RC3H1: variants seen among roughly 807,000 people sequenced by gnomAD.
RC3H1 encodes the protein ring finger and CCCH-type domains 1.
Under a neutral mutation model 138.2 loss-of-function variants are expected in RC3H1, and 50 were observed. That is an observed-to-expected ratio of 0.36 (90% CI 0.29 to 0.46). The LOEUF (loss-of-function observed/expected upper bound fraction) is 0.46, where lower values mean the gene tolerates loss of function less well. Ranked by LOEUF, RC3H1 falls within the 20% of genes least tolerant of loss-of-function variation. The pLI is 1.00. For synonymous variants in RC3H1, 462 were observed against 489.1 expected, an observed-to-expected ratio of 0.94 and a Z score of 0.73; for missense variants, 1,031 against 1,388.1, an observed-to-expected ratio of 0.74 and a Z score of 4.09.
intron 6 of RC3H1, among the ~76,000 whole-genome samples, chr1:173,979,839 G>A (rs1660731592): frequency 6.6e-6 from 1 of 152,138 alleles, no homozygotes; most frequent in Non-Finnish European, 1.5e-5. Flanking sequence ...ATCCAGGGAA[G>A]ACTTATAGAG....
chr1:173,952,844 A>G (rs1358072610), intron 13 of RC3H1, among the ~76,000 whole-genome samples: 1 of 152,216 alleles, frequency 6.6e-6, no homozygotes, highest in Non-Finnish European at 1.5e-5. Context: ...GTTTTCATGT[A>G]TACTACCTAA....
chr1:173,962,017 G>A lies in RC3H1; in HGVS notation c.1910C>T (p.Pro637Leu), dbSNP rs1445432552. The change falls in exon 12 of 20, where the codon CCC becomes CTC. Residue 637 changes from proline to leucine, a missense_variant. This residue lies in a region of RC3H1 where 716 missense variants were observed against 837.9 expected (regional missense o/e 0.85). Transcript: ENST00000367696. ...GTAGGGTGGATAATGATCCAAGTAG[G>A]GAGGAGCAGGTTCAGGAGCAGATGG... ...PPPSAPEPAP[P>L]YLDHYPPYLQ... 1 of 1,614,086 alleles carries A rather than the reference G, an allele frequency of 6.2e-7. No homozygotes were observed. The highest frequency in any genetic ancestry group is 2.2e-5 in the East Asian group (1 of 44,880).
intron 1 of RC3H1, among the ~76,000 whole-genome samples, chr1:173,995,548 A>G (rs913010749): frequency 1.3e-5 from 2 of 151,660 alleles, no homozygotes; most frequent in African/African-American, 4.8e-5. Flanking sequence ...AAAAAAAAAA[A>G]GAAAAAGAAA....
chr1:173,964,459 C>T (rs1471525741), intron 10 of RC3H1, among the ~76,000 whole-genome samples: 3 of 152,138 alleles, frequency 2.0e-5, no homozygotes, highest in Admixed American at 1.3e-4. Flanking sequence ...CCTCCGCCTC[C>T]TGGGTTCAAG....
chr1:173,967,542 T>C (rs1435966262), intron 9 of RC3H1, among the ~76,000 whole-genome samples: 1 of 152,240 alleles, frequency 6.6e-6, no homozygotes. Flanking sequence ...AGTCCAAAAA[T>C]ACTAAGTTGC....
chr1:174,003,348 C>T (rs10912716), intron 1 of RC3H1, among the ~76,000 whole-genome samples: 43,474 of 150,966 alleles, frequency 0.29, 11,209 homozygotes, highest in African/African-American at 0.7. Context: ...GATTGAGCCA[C>T]TGCACTCCAG....
At chr1:173,990,058 T>C (rs1661210209) in intron 2 of RC3H1, among the ~76,000 whole-genome samples, 1 of 151,714 alleles carries the variant, frequency 6.6e-6, no homozygotes, top group South Asian at 2.1e-4. Context: ...TAAACAACGA[T>C]TTGTAGTCTT....
chr1:173,989,984 C>T (rs1431466022), intron 2 of RC3H1, among the ~76,000 whole-genome samples: 3 of 151,914 alleles, frequency 2.0e-5, no homozygotes, highest in Non-Finnish European at 4.4e-5. Flanking sequence ...CCTCGGCCTC[C>T]CAAAGTGCTG....
intron 1 of RC3H1, among the ~76,000 whole-genome samples, chr1:174,002,722 C>A (rs1189011165): frequency 6.6e-6 from 1 of 152,312 alleles, no homozygotes; most frequent in Admixed American, 6.5e-5. Flanking sequence ...ATTAAAGTTA[C>A]TCCTACAAAA....
intron 1 of RC3H1, among the ~76,000 whole-genome samples, chr1:174,012,878 T>G (rs1352817950): frequency 1.3e-5 from 2 of 151,700 alleles, no homozygotes; most frequent in East Asian, 3.8e-4. Flanking sequence ...TGCTGAGATC[T>G]GCACACCTCT....
chr1:174,016,421 CCTTT>C, intron 1 of RC3H1, among the ~76,000 whole-genome samples: 1 of 134,136 alleles, frequency 7.5e-6, no homozygotes, highest in Non-Finnish European at 1.5e-5. Context: ...TTTTAAGTTT[CCTTT>C]TTTTTTTTTT....
chr1:173,972,686 C>A, intron 7 of RC3H1, 59 bp from the exon 8 acceptor site: 1 of 1,112,420 alleles, frequency 9.0e-7, no homozygotes, highest in South Asian at 1.3e-5. Flanking sequence ...TCCCTAATAT[C>A]AAATTAATAA....
rs1011781821 is a variant in RC3H1 at position 173,931,309 on chromosome 1, A to T, written c.*7412T>A. 3 of 152,146 alleles carry T rather than the reference A, an allele frequency of 2.0e-5. No individual in the cohort carries two copies. Among genetic ancestry groups the T allele is most frequent in the Non-Finnish European group, 2.9e-5 (2 of 68,022 alleles). The allele number at this position is 152,146 out of a possible 1,614,324, so 9.4% of individuals were successfully genotyped here. ...ATATTTACAATCCAAAAGGTGAATC[A>T]CCTCCTTCTACTTGTTAAAATAAAT... On this transcript the variant is annotated 3_prime_UTR_variant, in exon 20 of 20. Coordinates refer to ENST00000367696, the MANE Select transcript of RC3H1 (RefSeq NM_172071.4).
rs766843465 is a variant in RC3H1, at chr1:173,962,059, C to T, written c.1868G>A (p.Arg623His). 3.1e-6 allele frequency: 5 copies of T among 1,613,560 alleles called. No individual in the cohort carries two copies. The highest frequency in any genetic ancestry group is 4.5e-5 in the East Asian group (2 of 44,880). The change falls in exon 12 of 20, where the codon CGC (arginine) becomes CAC (histidine). Residue 623 changes from arginine to histidine, a missense_variant. Arg to His is a conservative substitution (Grantham distance 29). This residue lies in a region of RC3H1 where 716 missense variants were observed against 837.9 expected (regional missense o/e 0.85). Coordinates refer to ENST00000367696, the MANE Select transcript of RC3H1 (RefSeq NM_172071.4). ...YYTPPPQCVS[R>H]FVRPPPSAPE... ...AGCAGATGGTGGAGGTCGGACAAAG[C>T]GGGACACACATTGTGGTGGTGGAGT...
At chr1:174,008,166 T>A (rs959521767) in intron 1 of RC3H1, among the ~76,000 whole-genome samples, 1 of 152,220 alleles carries the variant, frequency 6.6e-6, no homozygotes, top group African/African-American at 2.4e-5. Context: ...CAGGTACATA[T>A]CTAATTATAT....
At chr1:173,954,232 A>AT (rs1659539517) in intron 13 of RC3H1, among the ~76,000 whole-genome samples, 1 of 152,224 alleles carries the variant, frequency 6.6e-6, no homozygotes, top group South Asian at 2.1e-4. Context: ...ATACAATGAA[A>AT]TACTATTCAG....
intron 9 of RC3H1, among the ~76,000 whole-genome samples, chr1:173,970,143 T>C (rs529109555): frequency 1.3e-5 from 2 of 152,352 alleles, no homozygotes; most frequent in Admixed American, 1.3e-4. Context: ...CATAAGGAGA[T>C]GTCTTGGGGA....
intron 7 of RC3H1, among the ~76,000 whole-genome samples, chr1:173,976,784 G>A (rs1213136686): frequency 6.6e-6 from 1 of 152,174 alleles, no homozygotes; most frequent in African/African-American, 2.4e-5. Context: ...AATTTTGGGA[G>A]CAAATCTATA....
At chr1:173,955,304 A>C (rs1432667720) in intron 13 of RC3H1, among the ~76,000 whole-genome samples, 2 of 148,208 alleles carry the variant, frequency 1.3e-5, no homozygotes, top group Admixed American at 1.3e-4. Context: ...TCACGTTTGC[A>C]GTAAGAGATG....
Sources: gnomAD v4.1 joint callset for allele counts (sites outside exome capture counted in the v4.1 genomes callset) on GRCh38, gnomAD v4.1.1 for gene constraint, gnomAD v4.1.1 regional missense constraint, MANE v1.5 for transcripts, NCBI Gene and HGNC (gene_info 2026-07-23, HGNC 2026-07-21) for gene names.